The following PLCG2 variants were observed in gnomAD, a reference collection of about 807,000 sequenced individuals.
PLCG2 encodes phospholipase C gamma 2.
Under a neutral mutation model 175.6 loss-of-function variants are expected in PLCG2, and 69 were observed. That is an observed-to-expected ratio of 0.39 (90% CI 0.32 to 0.48). The LOEUF is 0.48. Ranked by LOEUF, PLCG2 falls within the 20% of genes least tolerant of loss-of-function variation. The pLI is 0.91. For synonymous variants in PLCG2, 827 were observed against 624.0 expected (o/e 1.33, Z -4.85); for missense variants, 1,798 against 1,650.9 (o/e 1.09, Z -1.54).
chr16:81,775,255 G>A (rs938963209), upstream of PLCG2, among the ~76,000 whole-genome samples: 4 of 152,022 alleles, frequency 2.6e-5, no homozygotes, highest in Non-Finnish European at 5.9e-5. Context: ...CTGCTTTCCT[G>A]GTCCTTGGCA....
At chr16:81,825,113 C>A (rs900723416) in intron 2 of PLCG2, among the ~76,000 whole-genome samples, 1 of 152,104 alleles carries the variant, frequency 6.6e-6, no homozygotes, top group African/African-American at 2.4e-5. Context: ...CTTAGCCCAG[C>A]GAGACCCGTT....
At chr16:81,920,697 G>T (rs542983326) in intron 20 of PLCG2, among the ~76,000 whole-genome samples, 15 of 152,294 alleles carry the variant, frequency 9.8e-5, no homozygotes, top group African/African-American at 3.6e-4. Flanking sequence ...GAGAGGTGGT[G>T]GGGGTGGATC....
intron 3 of PLCG2, among the ~76,000 whole-genome samples, chr16:81,857,488 C>G (rs1464059764): frequency 6.6e-6 from 1 of 151,758 alleles, no homozygotes; most frequent in Non-Finnish European, 1.5e-5. Flanking sequence ...TCTCACAATT[C>G]TGGGGGCTGG....
chr16:81,840,417 G>T, intron 2 of PLCG2, among the ~76,000 whole-genome samples: 1 of 152,168 alleles, frequency 6.6e-6, no homozygotes, highest in Non-Finnish European at 1.5e-5. Context: ...CATTGATTGT[G>T]TACTTCATTT....
intron 29 of PLCG2, among the ~76,000 whole-genome samples, chr16:81,939,627 T>G (rs1910856900): frequency 6.6e-6 from 1 of 152,156 alleles, no homozygotes; most frequent in Admixed American, 6.5e-5. Flanking sequence ...CCCCGTTCCC[T>G]TGTCCCTGAT....
chr16:81,960,857 C>T lies in PLCG2; in HGVS notation c.*2859C>T. 4.3e-6 allele frequency: 1 copy of T among 230,032 alleles called. No individual in the cohort carries two copies. Among genetic ancestry groups the T allele is most frequent in the Non-Finnish European group, 8.6e-6 (1 of 116,072 alleles). 14.2% of individuals were successfully genotyped at this position (230,032 alleles called of 1,614,324 possible). On this transcript the variant is annotated 3_prime_UTR_variant, in exon 33 of 33. Transcript: ENST00000564138. ...AGGAATACACAGACTCCAGTACTCT[C>T]AGGGGAGCAGTGTTCAGAGCCTCAT... is the stretch of plus-strand genomic sequence containing the variant.
intron 2 of PLCG2, among the ~76,000 whole-genome samples, chr16:81,772,516 A>C (rs142246717): frequency 6.6e-6 from 1 of 152,078 alleles, no homozygotes; most frequent in Non-Finnish European, 1.5e-5. Flanking sequence ...TGTTTGTCCA[A>C]TGAATGAAAG....
chr16:81,931,722 T>TCA, intron 25 of PLCG2, 68 bp downstream of exon 25: 1 of 1,437,298 alleles, frequency 7.0e-7, no homozygotes, highest in Non-Finnish European at 9.7e-7. Flanking sequence ...CAGTTGGGAC[T>TCA]GTGGGTGGGT....
Position 81,801,613 on chromosome 16 carries a change from G to T in PLCG2, c.193+15431G>T, listed in dbSNP as rs1190366211. Among the ~76,000 whole-genome samples, 5 of 152,128 alleles carry T rather than the reference G, an allele frequency of 3.3e-5. No homozygotes were observed. In the South Asian group the frequency reaches 8.3e-4, roughly 25 times the overall value. ...TCGCTATTGTTTGAAATTACTATAG[G>T]ATTCTACCTTATTTTTTAAAAACCT... On this transcript the variant is annotated intron_variant, in intron 2 of 32. Transcript: ENST00000564138.
intron 15 of PLCG2, among the ~76,000 whole-genome samples, chr16:81,907,106 C>T (rs947279726): frequency 2.0e-5 from 3 of 150,022 alleles, no homozygotes; most frequent in South Asian, 2.1e-4. Context: ...GAAACCTGCA[C>T]AGTGTACACA....
chr16:81,917,397 T>C (rs890984749), intron 19 of PLCG2, among the ~76,000 whole-genome samples: 24 of 152,330 alleles, frequency 1.6e-4, no homozygotes, highest in African/African-American at 5.1e-4. Context: ...TTTCCTTTCC[T>C]TCAGATATAT....
At chr16:81,811,949 T>G (rs1160116275) in intron 2 of PLCG2, among the ~76,000 whole-genome samples, 1 of 152,108 alleles carries the variant, frequency 6.6e-6, no homozygotes, top group East Asian at 1.9e-4. Flanking sequence ...TGCAACGCTG[T>G]CTTCCACAAT....
In PLCG2 at chr16:81,960,895, T is replaced by G. The variant is rs553820741; in HGVS notation, c.*2897T>G. 5 of 229,266 alleles carry G rather than the reference T, an allele frequency of 2.2e-5. No homozygotes were observed. The highest frequency in any genetic ancestry group is 4.3e-5 in the Non-Finnish European group (5 of 115,650). 14.2% of individuals were successfully genotyped at this position (229,266 alleles called of 1,614,324 possible). A position where few individuals can be genotyped will look rare whatever the true frequency, so the allele number is the denominator to read the frequency against. On this transcript the variant is annotated 3_prime_UTR_variant, in exon 33 of 33. Coordinates refer to ENST00000564138, the MANE Select transcript of PLCG2 (RefSeq NM_002661.5). The stretch of plus-strand genomic sequence containing the variant: ...TTCAGAGCCTCATCTTCCTGTTATA[T>G]TCTTCTCTAAGATTCATCTGCCTGA...
At chr16:81,815,712 T>C (rs4243213) in intron 2 of PLCG2, among the ~76,000 whole-genome samples, 151,476 of 152,204 alleles carry the variant, frequency 1, 75,377 homozygotes, top group East Asian at 1. Context: ...GCTTCTTCGA[T>C]TCTCGCGGTC....
chr16:81,800,788 C>A (rs572829824), intron 2 of PLCG2, among the ~76,000 whole-genome samples: 1 of 152,018 alleles, frequency 6.6e-6, no homozygotes, highest in African/African-American at 2.4e-5. Context: ...TTACTCTATA[C>A]GGCAAAATGC....
chr16:81,905,590 TAC>T, intron 15 of PLCG2, 83 bp downstream of exon 15: 2 of 818,256 alleles, frequency 2.4e-6, no homozygotes, highest in Non-Finnish European at 4.2e-6. Context: ...GCTCTGAGAA[TAC>T]GCCTGTCTTG....
At chr16:81,947,926 T>C (rs992627251) in intron 31 of PLCG2, among the ~76,000 whole-genome samples, 1 of 152,204 alleles carries the variant, frequency 6.6e-6, no homozygotes, top group Non-Finnish European at 1.5e-5. Context: ...TTTTTGTATA[T>C]GATATTTCCA....
intron 12 of PLCG2, among the ~76,000 whole-genome samples, chr16:81,894,041 C>G (rs1211648931): frequency 2.0e-5 from 3 of 148,266 alleles, no homozygotes; most frequent in Non-Finnish European, 4.4e-5. Flanking sequence ...TAGAGGAAGG[C>G]AAACAGACAC....
chr16:81,778,021 A>C (rs111288642), upstream of PLCG2, among the ~76,000 whole-genome samples: 11,712 of 65,386 alleles, frequency 0.18, 481 homozygotes, highest in Non-Finnish European at 0.22. Context: ...TGTCTCAAAA[A>C]AAAAAAAAAA....
Sources: allele counts gnomAD v4.1 joint callset (sites outside exome capture counted in the v4.1 genomes callset), GRCh38; gene constraint gnomAD v4.1.1; transcripts MANE v1.5; gene names NCBI Gene and HGNC (gene_info 2026-07-23, HGNC 2026-07-21).